Variants in CHODL observed in about 807,000 individuals in gnomAD.
CHODL encodes the protein transmembrane protein MT75.
Under a neutral mutation model 34.5 loss-of-function variants are expected in CHODL, and 29 were observed. That is an observed-to-expected ratio of 0.84 (90% CI 0.63 to 1.15). The LOEUF is 1.15. CHODL is among the 50% of genes most tolerant of loss of function. The probability of loss-of-function intolerance (pLI) is 0.00; values close to 1 mark genes in which losing one functional copy is unlikely to be tolerated. For synonymous variants in CHODL, 125 were observed against 116.1 expected (o/e 1.08, Z -0.49); for missense variants, 332 against 332.5 (o/e 1.00, Z 0.01).
intron 2 of CHODL, among the ~76,000 whole-genome samples, chr21:18,143,783 C>T (rs146471172): frequency 6.6e-6 from 1 of 152,172 alleles, no homozygotes; most frequent in Non-Finnish European, 1.5e-5. Flanking sequence ...AGATATCTTA[C>T]AGAGATTTTT....
intron 1 of CHODL, among the ~76,000 whole-genome samples, chr21:17,976,013 C>A (rs2063659010): frequency 1.3e-5 from 2 of 151,950 alleles, no homozygotes; most frequent in South Asian, 4.2e-4. Flanking sequence ...TATTTTATCA[C>A]CTTAAGTTTC....
intron 1 of CHODL, among the ~76,000 whole-genome samples, chr21:17,949,802 G>A (rs1178973308): frequency 6.6e-6 from 1 of 152,124 alleles, no homozygotes; most frequent in African/African-American, 2.4e-5. Flanking sequence ...AAATATGATA[G>A]CAAATTGTTT....
At chr21:18,090,317 C>T (rs1451345977) in intron 2 of CHODL, among the ~76,000 whole-genome samples, 2 of 151,954 alleles carry the variant, frequency 1.3e-5, no homozygotes, top group Non-Finnish European at 2.9e-5. Context: ...TTTAGGAGAC[C>T]CTGGTTCTGT....
intron 2 of CHODL, among the ~76,000 whole-genome samples, chr21:18,232,581 T>C (rs2073989999): frequency 6.6e-6 from 1 of 152,054 alleles, no homozygotes; most frequent in African/African-American, 2.4e-5. Flanking sequence ...ACCCACAATA[T>C]TGTGGATTTG....
intron 2 of CHODL, among the ~76,000 whole-genome samples, chr21:18,043,851 G>A (rs922283504): frequency 1.3e-5 from 2 of 151,946 alleles, no homozygotes; most frequent in African/African-American, 4.8e-5. Flanking sequence ...CGAAAGGCAT[G>A]TCTTCCATGG....
intron 2 of CHODL, among the ~76,000 whole-genome samples, chr21:18,127,445 G>A (rs376848067): frequency 1.3e-5 from 2 of 152,102 alleles, no homozygotes; most frequent in African/African-American, 4.8e-5. Flanking sequence ...ATGTCAGAAA[G>A]TGAGAAATCT....
intron 1 of CHODL, among the ~76,000 whole-genome samples, chr21:18,017,319 T>C (rs1490385295): frequency 6.6e-6 from 1 of 152,164 alleles, no homozygotes. Context: ...GGGTGGATTT[T>C]CTCCTTGCTG....
intron 1 of CHODL, among the ~76,000 whole-genome samples, chr21:17,963,073 A>C (rs563026876): frequency 2.3e-5 from 2 of 87,628 alleles, no homozygotes; most frequent in East Asian, 1.3e-3. Context: ...CAAAAAAAAA[A>C]AATAATAATA....
At chr21:18,022,956 G>T (rs866398356) in intron 1 of CHODL, among the ~76,000 whole-genome samples, 1 of 152,168 alleles carries the variant, frequency 6.6e-6, no homozygotes, top group Non-Finnish European at 1.5e-5. Context: ...GCATGAAAGG[G>T]CAAGTTTTGG....
chr21:17,957,402 A>T (rs1252631915), intron 1 of CHODL, among the ~76,000 whole-genome samples: 1 of 152,066 alleles, frequency 6.6e-6, no homozygotes, highest in Non-Finnish European at 1.5e-5. Context: ...TACTCTTCCT[A>T]CATGTTTCCT....
chr21:18,156,818 A>G (rs577353668), intron 2 of CHODL, among the ~76,000 whole-genome samples: 1 of 152,222 alleles, frequency 6.6e-6, no homozygotes, highest in East Asian at 1.9e-4. Context: ...TCTGCTCTAC[A>G]TGTCTGGGCC....
intron 2 of CHODL, among the ~76,000 whole-genome samples, chr21:18,039,877 C>T (rs1382407403): frequency 6.6e-6 from 1 of 151,728 alleles, no homozygotes; most frequent in Non-Finnish European, 1.5e-5. Context: ...TTCTGCTTAA[C>T]TCCAGTAAAA....
In CHODL at chr21:18,193,768, C is replaced by G. The variant is rs1388439063; in HGVS notation, c.-44-62741C>G. On this transcript the variant is annotated intron_variant, in intron 2 of 6. Coordinates refer to the CHODL transcript ENST00000400127. ...ATAAAAAATAAACTTAAAAAAAAGT[C>G]CTTTGTTTATCCTCCAGCTAGTAAA... 2.7e-5 allele frequency among the ~76,000 whole-genome samples: 4 copies of G among 150,686 alleles called. No individual in the cohort carries two copies. The South Asian group carries it at 8.4e-4, about 32-fold the overall frequency.
At chr21:18,228,474 A>G (rs2073951201) in intron 2 of CHODL, among the ~76,000 whole-genome samples, 2 of 152,270 alleles carry the variant, frequency 1.3e-5, no homozygotes, top group South Asian at 4.1e-4. Context: ...TGTGCTACGC[A>G]AGGAACACTG....
intron 1 of CHODL, among the ~76,000 whole-genome samples, chr21:17,955,727 A>T (rs1313874570): frequency 7.3e-6 from 1 of 136,796 alleles, no homozygotes. Context: ...AGGGAAAAAA[A>T]TTGCTTGCTT....
intron 2 of CHODL, among the ~76,000 whole-genome samples, chr21:18,175,920 T>C (rs879881586): frequency 3.3e-5 from 5 of 152,162 alleles, no homozygotes; most frequent in Non-Finnish European, 5.9e-5. Flanking sequence ...ATTGTGGCAA[T>C]GGAGAAAACA....
intron 1 of CHODL, among the ~76,000 whole-genome samples, chr21:17,975,128 C>T (rs1015598764): frequency 2.0e-5 from 3 of 152,046 alleles, no homozygotes; most frequent in African/African-American, 4.8e-5. Flanking sequence ...GAGTTCAAGA[C>T]GAGCCTGGCC....
intron 1 of CHODL, among the ~76,000 whole-genome samples, chr21:18,026,895 G>C (rs2064181575): frequency 6.6e-6 from 1 of 152,122 alleles, no homozygotes; most frequent in Admixed American, 6.6e-5. Flanking sequence ...ATTCATTTTT[G>C]AAGGATGTGA....
At chr21:18,030,688 G>A (rs2064237322) in intron 2 of CHODL, among the ~76,000 whole-genome samples, 1 of 152,124 alleles carries the variant, frequency 6.6e-6, no homozygotes, top group South Asian at 2.1e-4. Flanking sequence ...GGATCGGACT[G>A]AAGACAGTGG....
Sources: gnomAD v4.1 joint callset for allele counts (sites outside exome capture counted in the v4.1 genomes callset) on GRCh38, gnomAD v4.1.1 for gene constraint, MANE v1.5 for transcripts, NCBI Gene and HGNC (gene_info 2026-07-23, HGNC 2026-07-21) for gene names.